Variants in CD177 observed in about 807,000 individuals in gnomAD.
CD177 encodes the protein CD177 antigen.
In CD177, 41 loss-of-function variants were observed where a neutral mutation model predicts 38.1. That is an observed-to-expected ratio of 1.07 (90% confidence interval 0.84 to 1.39). CD177 has a LOEUF of 1.39. Among genes scored for constraint, CD177 ranks in the 40% most tolerant of loss-of-function variants. The pLI is 0.00. For synonymous variants in CD177, 236 were observed against 216.7 expected (o/e 1.09, Z -0.78); for missense variants, 619 against 523.8 (o/e 1.18, Z -1.77).
intron 3 of CD177, chr19:43,354,665 A>G (rs1461305267): frequency 1.7e-6 from 1 of 592,210 alleles, no homozygotes; most frequent in Non-Finnish European, 3.0e-6. Context: ...CTGATATGAA[A>G]TCACCATTAA....
chr19:43,364,497 C>A (rs35700055), downstream of CD177, among the ~76,000 whole-genome samples: 7,005 of 151,418 alleles, frequency 0.046, 262 homozygotes, highest in East Asian at 0.12. Context: ...TGCCTGCCTT[C>A]GAAAATAGCC....
At position 43,354,292 on chromosome 19, in the gene CD177, C is replaced by T. The variant is rs368217813; in HGVS notation, c.279C>T (p.Pro93=). The change falls in exon 3 of 9, where the codon CCC becomes CCT. Residue 93 remains proline (P), a synonymous_variant. Transcript: ENST00000618265. Reference sequence around the variant, plus strand: ...GCGTCACTGAGCACCGGATGGGCCCCGGCCTCTCCCTGATCTCCTACACCT... The same window carrying T: ...GCGTCACTGAGCACCGGATGGGCCCTGGCCTCTCCCTGATCTCCTACACCT... The part of the protein sequence containing the change: ...EPRVTEHRMG[P]GLSLISYTFV... The T allele has an allele frequency of 4.2e-5, 68 of 1,613,832 alleles. No homozygotes were observed. Among genetic ancestry groups the T allele is most frequent in the Non-Finnish European group, 5.3e-5 (63 of 1,179,896 alleles).
At chr19:43,361,829 G>A (rs1969972101) in intron 8 of CD177, among the ~76,000 whole-genome samples, 1 of 150,652 alleles carries the variant, frequency 6.6e-6, no homozygotes, top group Admixed American at 6.6e-5. Flanking sequence ...TGAGGGAGGA[G>A]GGGCTGGGGG....
intron 6 of CD177, chr19:43,360,762 T>C (rs1969951003): frequency 4.6e-6 from 2 of 430,458 alleles, no homozygotes. Flanking sequence ...TCCTGCAGCT[T>C]TATATGCCTT....
At chr19:43,360,029 G>A (rs1360199384) in intron 5 of CD177, among the ~76,000 whole-genome samples, 5 of 151,894 alleles carry the variant, frequency 3.3e-5, no homozygotes, top group South Asian at 2.1e-4. Context: ...AGCAAGGAAC[G>A]GCCGTTCCCC....
At position 43,354,355 on chromosome 19, in the gene CD177, T is replaced by A. The variant is rs1969890673; in HGVS notation, c.342T>A (p.Val114=). The A allele has an allele frequency of 2.5e-6, 4 of 1,613,886 alleles. No homozygotes were observed. Among genetic ancestry groups the A allele is most frequent in the Non-Finnish European group, 3.4e-6 (4 of 1,179,844 alleles). ...CRQEDFCNNL[V]NSLPLWAPQP... ...AGGAGGACTTCTGCAACAACCTCGT[T>A]AACTCCCTCCCGCTTTGGGCCCCAC... The change falls in exon 3 of 9, where the codon GTT becomes GTA. Residue 114 remains valine, a synonymous_variant. Coordinates refer to ENST00000618265, the MANE Select transcript of CD177 (RefSeq NM_020406.4).
rs772586043 is a variant in CD177 at position 43,362,259 on chromosome 19, G to T, written c.1253G>T (p.Trp418Leu). 9 of 1,606,146 alleles carry T rather than the reference G, an allele frequency of 5.6e-6. No individual in the cohort carries two copies. The Admixed American group carries it at 8.3e-5, about 15-fold the overall frequency. ...GCTGAGGGCCTGGAGTCTCTCACTT[G>T]GGGGGTGGGGCTGGCACTGGCCCCA... ...GGAEGLESLTWGVGLALAPAL... is the reference protein window; with the variant it reads ...GGAEGLESLTLGVGLALAPAL... The change falls in exon 9 of 9, where the codon TGG becomes TTG. Residue 418 changes from tryptophan (W) to leucine (L), a missense_variant. Transcript: ENST00000618265.
Position 43,355,126 on chromosome 19 carries a change from TTTTC to T in CD177, c.380-533_380-530del, listed in dbSNP as rs1291214401. Among the ~76,000 whole-genome samples the T allele has an allele frequency of 5.4e-4, 68 of 125,768 alleles. 1 individual carries two copies. Among genetic ancestry groups the T allele is most frequent in the African/African-American group, 2.1e-3 (62 of 29,918 alleles). 82.5% of individuals were successfully genotyped at this position (125,768 alleles called of 152,430 possible). A position where few individuals can be genotyped will look rare whatever the true frequency, so the allele number is the denominator to read the frequency against. ...TTTCTTTTTTTTTTTTTTTTTTTTTTTTTCTGAGAAAGCGTCTCGCTGTGTCGAC... is the reference window on the plus strand; with the variant it reads ...TTTCTTTTTTTTTTTTTTTTTTTTTTTGAGAAAGCGTCTCGCTGTGTCGAC... On this transcript the variant is annotated intron_variant, in intron 3 of 8. Transcript: ENST00000618265.
At chr19:43,354,080 G>A (rs1568442935) in intron 2 of CD177, 87 bp downstream of exon 2, 1 of 1,571,832 alleles carries the variant, frequency 6.4e-7, no homozygotes, top group Non-Finnish European at 8.6e-7. Context: ...ACCCCTCCGG[G>A]GGATCGACTC....
chr19:43,354,101 G>A (rs1469034098), intron 2 of CD177, 106 bp from the exon 3 acceptor site: 45 of 1,561,534 alleles, frequency 2.9e-5, no homozygotes, highest in South Asian at 2.0e-4. Context: ...CTAGGGTCCC[G>A]GTGATCCCCT....
rs781707883 is a variant in CD177, at chr19:43,353,995, T to C, written c.193+2T>C. On this transcript the variant is annotated splice_donor_variant, in intron 2 of 8. Coordinates refer to ENST00000618265, the MANE Select transcript of CD177 (RefSeq NM_020406.4). LOFTEE classifies it high-confidence loss of function. ...ACACGTTGATGCTCATTGAGAGCGG[T>C]GAGAAGGCCCTGGCGTGCAGAGACC... The C allele has an allele frequency of 1.9e-6, 3 of 1,613,268 alleles. No homozygotes were observed. The highest frequency in any genetic ancestry group is 2.5e-6 in the Non-Finnish European group (3 of 1,179,676).
chr19:43,353,819 C>T, intron 1 of CD177, 34 bp from the exon 2 acceptor site: 4 of 1,613,870 alleles, frequency 2.5e-6, no homozygotes, highest in Non-Finnish European at 3.4e-6. Flanking sequence ...GGCAAGGGAA[C>T]CCTGCTGAGA....
rs775184462 is a variant in CD177, at chr19:43,361,520, G to A, written c.1022G>A (p.Arg341Gln). 3.5e-5 allele frequency: 55 copies of A among 1,591,952 alleles called. No homozygotes were observed. The highest frequency in any genetic ancestry group is 4.2e-5 in the Non-Finnish European group (49 of 1,165,060). Residue 341 changes from arginine (R) to glutamine (Q), a missense_variant, in exon 8 of 9, where the codon CGA becomes CAA. Arg to Gln is a conservative substitution (Grantham distance 43). Coordinates refer to ENST00000618265, the MANE Select transcript of CD177 (RefSeq NM_020406.4). Reference sequence around the variant, plus strand: ...GGAACCTGTTCAAGTGGCTCCCCCCGAATGACCTGCCCCAGGGGCGCCACT... The same window carrying A: ...GGAACCTGTTCAAGTGGCTCCCCCCAAATGACCTGCCCCAGGGGCGCCACT... ...PLGTCSSGSP[R>Q]MTCPRGATHC...
chr19:43,353,893 T>C lies in CD177; in HGVS notation c.93T>C (p.His31=). ...TCTGCCAGTTTGGGACAGTTCAGCA[T>C]GTGTGGAAGGTGTCCGACCTGCCCC... is the stretch of plus-strand genomic sequence containing the variant. ...ALLCQFGTVQ[H]VWKVSDLPRQ... is the part of the protein sequence containing the mutation. Residue 31 remains histidine (H), a synonymous_variant, in exon 2 of 9, where the codon CAT becomes CAC. Transcript: ENST00000618265. 4.3e-6 allele frequency: 7 copies of C among 1,613,870 alleles called. No homozygotes were observed. The highest frequency in any genetic ancestry group is 5.9e-6 in the Non-Finnish European group (7 of 1,179,846).
Position 43,355,901 on chromosome 19 carries a change from G to A in CD177, c.503-91G>A, listed in dbSNP as rs10408630. 485,044 of 1,415,206 alleles carry A rather than the reference G, an allele frequency of 0.34. 89,573 individuals are homozygous for A. Among genetic ancestry groups the A allele is most frequent in the African/African-American group, 0.62 (43,686 of 70,946 alleles). 87.7% of individuals were successfully genotyped at this position (1,415,206 alleles called of 1,614,324 possible). A position where few individuals can be genotyped will look rare whatever the true frequency, so the allele number is the denominator to read the frequency against. ...ACGGCATGAGACCCAGAGGAGGGTG[G>A]GCCTGGCTTCCTGGAGCTATGCCTG... On this transcript the variant is annotated intron_variant, in intron 4 of 8. Transcript: ENST00000618265.
In CD177 at chr19:43,353,851, AGGAG is replaced by A; in HGVS notation, c.53-1_55del. On this transcript the variant is annotated splice_acceptor_variant and coding_sequence_variant, in exon 2 of 9. Transcript: ENST00000618265. LOFTEE classifies it high-confidence loss of function. ...GAGATGGATTTGCTCTTGCCACTCC[AGGAG>A]TGCAGGCGCTGCTCTGCCAGTTTGG... The A allele has an allele frequency of 2.5e-6, 4 of 1,613,794 alleles. No individual in the cohort carries two copies. Among genetic ancestry groups the A allele is most frequent in the Non-Finnish European group, 3.4e-6 (4 of 1,179,830 alleles).
intron 8 of CD177, 71 bp downstream of exon 8, chr19:43,361,650 G>A (rs113094109): frequency 0.029 from 42,423 of 1,483,396 alleles, 787 homozygotes; most frequent in Non-Finnish European, 0.033. Context: ...GAGGGAGGAG[G>A]GGCTGGGGGC....
In CD177 at chr19:43,361,590, C is replaced by T. The variant is rs1244224000; in HGVS notation, c.1081+11C>T. On this transcript the variant is annotated intron_variant, in intron 8 of 8. Coordinates refer to ENST00000618265, the MANE Select transcript of CD177 (RefSeq NM_020406.4). ...TTCATCTCTCAGGAGGTGAGTGCTG[C>T]AAGCAGGGCCCCAAGGATGAAGGCA... is the stretch of plus-strand genomic sequence containing the variant. The T allele has an allele frequency of 6.4e-7, 1 of 1,553,978 alleles. No individual in the cohort carries two copies. Among genetic ancestry groups the T allele is most frequent in the African/African-American group, 1.4e-5 (1 of 73,140 alleles).
intron 3 of CD177, 148 bp downstream of exon 3, chr19:43,354,540 T>A (rs745557572): frequency 3.9e-6 from 3 of 773,842 alleles, no homozygotes; most frequent in Non-Finnish European, 6.3e-6. Flanking sequence ...TCCCTGACCA[T>A]CGCCCCGCCC....
Sources: allele counts gnomAD v4.1 joint callset (sites outside exome capture counted in the v4.1 genomes callset), GRCh38; gene constraint gnomAD v4.1.1; transcripts MANE v1.5; gene names NCBI Gene and HGNC (gene_info 2026-07-23, HGNC 2026-07-21).